The following TOPAZ1 variants were observed in gnomAD, a reference collection of about 807,000 sequenced individuals.
The protein encoded by TOPAZ1 is protein TOPAZ1.
TOPAZ1 carries 66 observed loss-of-function variants against 172.2 expected under a neutral mutation model. The observed-to-expected ratio is 0.38, with a 90% confidence interval of 0.31 to 0.47. TOPAZ1 has a LOEUF of 0.47. TOPAZ1 is among the 20% of genes least tolerant of loss of function. The pLI, the probability that TOPAZ1 is intolerant of heterozygous loss-of-function variation, is 0.99. For missense variants in TOPAZ1, 1,822 were observed against 1,972.4 expected, an observed-to-expected ratio of 0.92 and a Z score of 1.44; for synonymous variants, 681 against 683.9, an observed-to-expected ratio of 1.00 and a Z score of 0.07.
At chr3:44,312,303 G>A (rs1700405658) in intron 16 of TOPAZ1, among the ~76,000 whole-genome samples, 1 of 151,380 alleles carries the variant, frequency 6.6e-6, no homozygotes, top group Non-Finnish European at 1.5e-5. Flanking sequence ...TAATACAATG[G>A]ACAAATACGT....
chr3:44,251,805 G>C (rs975101966), intron 2 of TOPAZ1, among the ~76,000 whole-genome samples: 7 of 152,054 alleles, frequency 4.6e-5, no homozygotes, highest in Admixed American at 3.3e-4. Context: ...TTGCTTATCT[G>C]TATTTCTGTA....
At chr3:44,323,359 A>G (rs527734618) in intron 18 of TOPAZ1, 64 bp downstream of exon 18, 6 of 1,003,668 alleles carry the variant, frequency 6.0e-6, no homozygotes, top group Non-Finnish European at 2.8e-6. Context: ...CCCAGAATTT[A>G]TAATATATAA....
rs556977251 is a variant in TOPAZ1, at chr3:44,266,815, C to T, written c.3021-182C>T. 2.6e-5 allele frequency among the ~76,000 whole-genome samples: 4 copies of T among 152,166 alleles called. No individual in the cohort carries two copies. In the South Asian group the frequency reaches 6.2e-4, roughly 24 times the overall value. On this transcript the variant is annotated intron_variant, in intron 5 of 19. Transcript: ENST00000309765. ...TGTGACACAGAGACGTAAGTGAGCA[C>T]GTGCTGTTAGAAAAATGGCACCAAT...
At chr3:44,266,425 A>G (rs1049885770) in intron 5 of TOPAZ1, among the ~76,000 whole-genome samples, 7 of 152,244 alleles carry the variant, frequency 4.6e-5, no homozygotes, top group Admixed American at 1.3e-4. Context: ...CTTATCCGTC[A>G]ACATGCCTTC....
intron 4 of TOPAZ1, among the ~76,000 whole-genome samples, chr3:44,260,682 G>A (rs1699765493): frequency 6.6e-6 from 1 of 151,888 alleles, no homozygotes; most frequent in South Asian, 2.1e-4. Flanking sequence ...CTTACTTCAT[G>A]GTTTCTGCCT....
At position 44,241,988 on chromosome 3, in the gene TOPAZ1, G is replaced by A; in HGVS notation, c.-66G>A. 2 of 1,442,708 alleles carry A rather than the reference G, an allele frequency of 1.4e-6. No homozygotes were observed. Among genetic ancestry groups the A allele is most frequent in the Non-Finnish European group, 1.9e-6 (2 of 1,070,272 alleles). 89.4% of individuals were successfully genotyped at this position (1,442,708 alleles called of 1,614,324 possible). A position where few individuals can be genotyped will look rare whatever the true frequency, so the allele number is the denominator to read the frequency against. ...GTAGGTACCTCCAGGCGGGAGCAGC[G>A]TTTGCACCGCGGTGGGTTCCTGCGA... On this transcript the variant is annotated 5_prime_UTR_variant, in exon 1 of 20. Coordinates refer to ENST00000309765, the MANE Select transcript of TOPAZ1 (RefSeq NM_001145030.2).
Position 44,332,000 on chromosome 3 carries a change from A to G in TOPAZ1, c.5068A>G (p.Ser1690Gly), listed in dbSNP as rs1304887538. Residue 1690 changes from serine (S) to glycine (G), a missense_variant, in exon 20 of 20, where the codon AGT becomes GGT. Ser to Gly is a moderately conservative substitution (Grantham distance 56). Around this residue, in one of 2 missense-constraint regions of TOPAZ1, gnomAD observed 333 missense variants for 481.7 expected, o/e 0.69. Coordinates refer to ENST00000309765, the MANE Select transcript of TOPAZ1 (RefSeq NM_001145030.2). ...GTGGGCTGGAAAGGTTTGGCTTTTC[A>G]GTAACCATTAGCTAATAAAGTCTGC... ...MKWAGKVWLF[S>G]NH 1.3e-6 allele frequency: 2 copies of G among 1,547,916 alleles called. No individual in the cohort carries two copies. The highest frequency in any genetic ancestry group is 1.7e-6 in the Non-Finnish European group (2 of 1,145,552).
intron 12 of TOPAZ1, among the ~76,000 whole-genome samples, chr3:44,292,952 C>T (rs977004776): frequency 1.3e-5 from 2 of 152,132 alleles, no homozygotes; most frequent in African/African-American, 2.4e-5. Context: ...ATACCCTCTG[C>T]CCCTTTCTGT....
At chr3:44,265,207 A>G (rs769370009) in intron 5 of TOPAZ1, among the ~76,000 whole-genome samples, 3 of 152,218 alleles carry the variant, frequency 2.0e-5, no homozygotes, top group Non-Finnish European at 4.4e-5. Context: ...ATAAGTCTTG[A>G]AAGTCAAAAT....
At chr3:44,328,898 A>C (rs1700632755) in intron 19 of TOPAZ1, among the ~76,000 whole-genome samples, 1 of 152,222 alleles carries the variant, frequency 6.6e-6, no homozygotes, top group African/African-American at 2.4e-5. Context: ...AAATATTATA[A>C]AGTAGGTACT....
At chr3:44,334,411 T>C (rs1005078047), downstream of TOPAZ1, among the ~76,000 whole-genome samples, 88 of 152,138 alleles carry the variant, frequency 5.8e-4, no homozygotes, top group Admixed American at 5.4e-3. Flanking sequence ...GTCACATTTT[T>C]CCCTTTCTTG....
chr3:44,267,029 G>A lies in TOPAZ1; in HGVS notation c.3053G>A (p.Gly1018Asp). 6.5e-7 allele frequency: 1 copy of A among 1,546,440 alleles called. No homozygotes were observed. Among genetic ancestry groups the A allele is most frequent in the South Asian group, 1.2e-5 (1 of 82,550 alleles). Residue 1018 changes from glycine (G) to aspartate (D), a missense_variant, in exon 6 of 20, where the codon GGC becomes GAC. Gly to Asp is a moderately conservative substitution (Grantham distance 94). Coordinates refer to ENST00000309765, the MANE Select transcript of TOPAZ1 (RefSeq NM_001145030.2). Reference protein sequence around the residue: ...KDSRNADFMVGECQFAVPVPK... With the variant: ...KDSRNADFMVDECQFAVPVPK... ...TCTAGAAATGCAGACTTTATGGTCG[G>A]CGAATGTCAATTTGCAGTACCAGTC...
intron 8 of TOPAZ1, among the ~76,000 whole-genome samples, chr3:44,272,453 G>A (rs539150204): frequency 2.8e-4 from 42 of 152,264 alleles, no homozygotes; most frequent in African/African-American, 1.0e-3. Context: ...CAGATGTCAG[G>A]TAATATCTCA....
rs1699549871 is a variant in TOPAZ1, at chr3:44,245,228, T to C, written c.2722T>C (p.Tyr908His). Residue 908 changes from tyrosine to histidine, a missense_variant, in exon 2 of 20, where the codon TAC (tyrosine) becomes CAC (histidine). Tyr to His is a moderately conservative substitution (Grantham distance 83). Transcript: ENST00000309765. Reference protein sequence around the residue: ...AGEHQSTDSKYMETPVKKEPS... With the variant: ...AGEHQSTDSKHMETPVKKEPS... ...AGAGCACCAATCAACAGACTCCAAGTACATGGAAACTCCAGTAAAAAAAGA... is the reference window on the plus strand; with the variant it reads ...AGAGCACCAATCAACAGACTCCAAGCACATGGAAACTCCAGTAAAAAAAGA... The C allele has an allele frequency of 6.5e-7, 1 of 1,545,036 alleles. No homozygotes were observed. The highest frequency in any genetic ancestry group is 1.4e-5 in the African/African-American group (1 of 72,504).
intron 14 of TOPAZ1, 36 bp downstream of exon 14, chr3:44,305,357 AG>A: frequency 6.8e-7 from 1 of 1,466,220 alleles, no homozygotes; most frequent in South Asian, 1.4e-5. Flanking sequence ...ATTGTGTATG[AG>A]GATGGTGCAG....
Position 44,242,871 on chromosome 3 carries a change from TTAC to T in TOPAZ1, c.367_369del (p.Thr123del). ...TGATCAGCCAAGGAAAAAAGAAAAG[TTAC>T]TGAAGCCTCAAGTGATGATCCACAG... is the stretch of plus-strand genomic sequence containing the variant. On this transcript the variant is annotated inframe_deletion, in exon 2 of 20. Transcript: ENST00000309765. The T allele has an allele frequency of 6.6e-7, 1 of 1,504,850 alleles. No homozygotes were observed. Among genetic ancestry groups the T allele is most frequent in the South Asian group, 1.3e-5 (1 of 75,832 alleles). The allele number at this position is 1,504,850 out of a possible 1,614,324, so 93.2% of individuals were successfully genotyped here.
Position 44,243,530 on chromosome 3 carries a change from G to T in TOPAZ1, c.1024G>T (p.Glu342Ter), listed in dbSNP as rs1699515452. 1 of 1,551,460 alleles carries T rather than the reference G, an allele frequency of 6.4e-7. No individual in the cohort carries two copies. The highest frequency in any genetic ancestry group is 2.0e-5 in the Admixed American group (1 of 50,978). ...KRMKLSEKAD[E>*]TVTEMNFSNE... ...GATGAAGTTGTCTGAAAAAGCAGAT[G>T]AAACAGTTACTGAGATGAACTTCTC... The change falls in exon 2 of 20, where the codon GAA becomes TAA. Residue 342 changes from glutamate to a stop codon, truncating the protein, a stop_gained. Transcript: ENST00000309765. LOFTEE classifies it high-confidence loss of function.
Position 44,257,469 on chromosome 3 carries a change from AGTGTGTGTGT to A in TOPAZ1, c.2955+1223_2955+1232del, listed in dbSNP as rs10523650. 9.2e-3 allele frequency among the ~76,000 whole-genome samples: 1,044 copies of A among 113,824 alleles called. 27 individuals are homozygous for A. Among genetic ancestry groups the A allele is most frequent in the African/African-American group, 0.035 (981 of 27,648 alleles). 74.7% of individuals were successfully genotyped at this position (113,824 alleles called of 152,430 possible). A position where few individuals can be genotyped will look rare whatever the true frequency, so the allele number is the denominator to read the frequency against. Reference sequence around the variant, plus strand: ...GTGTATCTATTTTATATATATATATAGTGTGTGTGTGTGTGTGTGTGTGTGTGTGTGTGTG... The same window carrying A: ...GTGTATCTATTTTATATATATATATAGTGTGTGTGTGTGTGTGTGTGTGTG... On this transcript the variant is annotated intron_variant, in intron 4 of 19. Transcript: ENST00000309765.
chr3:44,312,214 A>G (rs1355660589), intron 16 of TOPAZ1, among the ~76,000 whole-genome samples: 1 of 151,492 alleles, frequency 6.6e-6, no homozygotes, highest in African/African-American at 2.4e-5. Context: ...AATGATCTTC[A>G]AGACCTATTG....
Sources: allele counts gnomAD v4.1 joint callset (sites outside exome capture counted in the v4.1 genomes callset), GRCh38; gene constraint gnomAD v4.1.1; regional missense constraint gnomAD v4.1.1; transcripts MANE v1.5; gene names NCBI Gene and HGNC (gene_info 2026-07-23, HGNC 2026-07-21).